TRIB2: variants seen among roughly 807,000 people sequenced by gnomAD.
The protein encoded by TRIB2 is tribbles homolog 2.
TRIB2 carries 2 observed loss-of-function variants against 26.8 expected under a neutral mutation model. The observed-to-expected ratio is 0.07, with a 90% CI of 0.03 to 0.24. The LOEUF (loss-of-function observed/expected upper bound fraction) is 0.24. Among genes scored for constraint, TRIB2 ranks in the 10% least tolerant of loss-of-function variants. The probability of loss-of-function intolerance (pLI) is 1.00; values close to 1 mark genes in which losing one functional copy is unlikely to be tolerated. For missense variants in TRIB2, 306 were observed against 449.0 expected (o/e 0.68, Z 2.88); for synonymous variants, 189 against 187.3 (o/e 1.01, Z -0.08).
At chr2:12,737,806 A>G (rs1203609853) in intron 2 of TRIB2, among the ~76,000 whole-genome samples, 1 of 152,226 alleles carries the variant, frequency 6.6e-6, no homozygotes, top group Non-Finnish European at 1.5e-5. Flanking sequence ...GTACACTTAA[A>G]AATGGTTTAA....
intron 2 of TRIB2, among the ~76,000 whole-genome samples, chr2:12,733,282 C>T (rs1388117039): frequency 2.0e-5 from 3 of 152,180 alleles, no homozygotes; most frequent in African/African-American, 7.2e-5. Context: ...TAGCAGTTAG[C>T]TGTGAATGGG....
chr2:12,730,297 G>A (rs779132018), intron 2 of TRIB2, among the ~76,000 whole-genome samples: 15 of 152,208 alleles, frequency 9.9e-5, no homozygotes, highest in Non-Finnish European at 2.1e-4. Flanking sequence ...GATCCTCAGA[G>A]TCTAATGGCC....
At chr2:12,722,828 CT>C (rs1015685377) in intron 1 of TRIB2, among the ~76,000 whole-genome samples, 2 of 151,486 alleles carry the variant, frequency 1.3e-5, no homozygotes, top group African/African-American at 2.4e-5. Context: ...ATGTGCATTT[CT>C]TTTTTTTTAT....
At position 12,718,117 on chromosome 2, in the gene TRIB2, G is replaced by A. The variant is rs1348124568; in HGVS notation, c.-191G>A. 1.3e-6 allele frequency: 1 copy of A among 764,226 alleles called. No homozygotes were observed. The highest frequency in any genetic ancestry group is 1.8e-5 in the African/African-American group (1 of 56,856). The allele number at this position is 764,226 out of a possible 1,614,324, so 47.3% of individuals were successfully genotyped here. ...CCGAGGACCCCCGGGAGCCGGGCTCGGAGCAGACGAGGTATCCGGCGGCGC... is the reference window on the plus strand; with the variant it reads ...CCGAGGACCCCCGGGAGCCGGGCTCAGAGCAGACGAGGTATCCGGCGGCGC... On this transcript the variant is annotated 5_prime_UTR_variant, in exon 1 of 3. Transcript: ENST00000155926. This position sits in a 1 kb window ranked among gnomAD's most constrained non-coding sequence, Gnocchi z 4.0.
At chr2:12,733,632 CAT>C (rs1416088749) in intron 2 of TRIB2, among the ~76,000 whole-genome samples, 4 of 152,196 alleles carry the variant, frequency 2.6e-5, no homozygotes, top group Non-Finnish European at 4.4e-5. Flanking sequence ...ATGCTTCACA[CAT>C]AGTTTCTATT....
At position 12,723,351 on chromosome 2, in the gene TRIB2, T is replaced by C; in HGVS notation, c.362T>C (p.Leu121Pro). 1 of 1,614,260 alleles carries C rather than the reference T, an allele frequency of 6.2e-7. No homozygotes were observed. Among genetic ancestry groups the C allele is most frequent in the Non-Finnish European group, 8.5e-7 (1 of 1,180,046 alleles). Reference sequence around the variant, plus strand: ...ATCAACCAAATCACTGAAATTATCCTGGGTGAGACCAAAGCCTATGTGTTC... The same window carrying C: ...ATCAACCAAATCACTGAAATTATCCCGGGTGAGACCAAAGCCTATGTGTTC... ...SNINQITEII[L>P]GETKAYVFFE... Residue 121 changes from leucine (L) to proline (P), a missense_variant, in exon 2 of 3, where the codon CTG becomes CCG. Around this residue, in one of 4 missense-constraint regions of TRIB2, gnomAD observed 118 missense variants for 188.8 expected, o/e 0.63. Coordinates refer to ENST00000155926, the MANE Select transcript of TRIB2 (RefSeq NM_021643.4).
chr2:12,718,409 G>A lies in TRIB2; in HGVS notation c.102G>A (p.Glu34=), dbSNP rs755884349. The A allele has an allele frequency of 5.6e-6, 9 of 1,614,128 alleles. No individual in the cohort carries two copies. The highest frequency in any genetic ancestry group is 1.6e-4 in the Middle Eastern group (1 of 6,084). ...FEELSSIRSA[E]PSQSFSPNLG... ...AGTTGTCGTCTATAAGGTCCGCGGAGCCCAGCCAGAGTTTCAGCCCGAACC... is the reference window on the plus strand; with the variant it reads ...AGTTGTCGTCTATAAGGTCCGCGGAACCCAGCCAGAGTTTCAGCCCGAACC... Residue 34 remains glutamate, a synonymous_variant, in exon 1 of 3, where the codon GAG becomes GAA. Coordinates refer to ENST00000155926, the MANE Select transcript of TRIB2 (RefSeq NM_021643.4). This position sits in a 1 kb window ranked among gnomAD's most constrained non-coding sequence, Gnocchi z 4.0.
intron 2 of TRIB2, among the ~76,000 whole-genome samples, chr2:12,735,082 G>A (rs191283180): frequency 6.6e-6 from 1 of 152,224 alleles, no homozygotes. Flanking sequence ...ACTCACCCCC[G>A]CCTGTCAGAC....
At position 12,717,612 on chromosome 2, in the gene TRIB2, T is replaced by A; in HGVS notation, c.-696T>A. Reference sequence around the variant, plus strand: ...AAATGCTCCCTTGCAATTTTTCTTTTTTTTGTTTGTTTGTTTAATTTTTGG... The same window carrying A: ...AAATGCTCCCTTGCAATTTTTCTTTATTTTGTTTGTTTGTTTAATTTTTGG... On this transcript the variant is annotated 5_prime_UTR_variant, in exon 1 of 3. Transcript: ENST00000155926. The surrounding 1 kb of genome is among the most constrained non-coding windows in gnomAD (Gnocchi z 4.8). 2 of 397,178 alleles carry A rather than the reference T, an allele frequency of 5.0e-6. No homozygotes were observed. The highest frequency in any genetic ancestry group is 4.4e-5 in the Admixed American group (1 of 22,714). The allele number at this position is 397,178 out of a possible 1,614,324, so 24.6% of individuals were successfully genotyped here. A position where few individuals can be genotyped will look rare whatever the true frequency, so the allele number is the denominator to read the frequency against.
Position 12,741,079 on chromosome 2 carries a change from C to T in TRIB2, c.*285C>T. The stretch of plus-strand genomic sequence containing the variant: ...TTGCCACTTGGGCCACTTCCGCCTA[C>T]CCCACTTTTCATTTTGTTCCAAAAT... On this transcript the variant is annotated 3_prime_UTR_variant, in exon 3 of 3. Transcript: ENST00000155926. The T allele has an allele frequency of 2.7e-6, 1 of 372,354 alleles. No homozygotes were observed. Among genetic ancestry groups the T allele is most frequent in the Non-Finnish European group, 4.9e-6 (1 of 204,802 alleles). 23.1% of individuals were successfully genotyped at this position (372,354 alleles called of 1,614,324 possible).
rs944819545 is a variant in TRIB2, at chr2:12,717,500, T to C, written c.-808T>C. The C allele has an allele frequency of 2.0e-5, 8 of 398,282 alleles. No individual in the cohort carries two copies. Among genetic ancestry groups the C allele is most frequent in the Non-Finnish European group, 3.5e-5 (8 of 225,882 alleles). 24.7% of individuals were successfully genotyped at this position (398,282 alleles called of 1,614,324 possible). ...CGCGCGGCGGGCCGAGCCCAGGGCT[T>C]TGTCGCGGTACCTGCGCCCAGCCCG... On this transcript the variant is annotated 5_prime_UTR_variant, in exon 1 of 3. Coordinates refer to ENST00000155926, the MANE Select transcript of TRIB2 (RefSeq NM_021643.4). This position sits in a 1 kb window ranked among gnomAD's most constrained non-coding sequence, Gnocchi z 4.8.
Position 12,732,256 on chromosome 2 carries a change from G to A in TRIB2, c.564-8070G>A, listed in dbSNP as rs182296905. On this transcript the variant is annotated intron_variant, in intron 2 of 2. Transcript: ENST00000155926. This position sits in a 1 kb window ranked among gnomAD's most constrained non-coding sequence, Gnocchi z 4.2. The stretch of plus-strand genomic sequence containing the variant: ...ATGCGGACAGGGCAGGGATTCCGTC[G>A]TGGCCGGGTAGATGGCACTGCAGAA... Among the ~76,000 whole-genome samples, 95 of 152,262 alleles carry A rather than the reference G, an allele frequency of 6.2e-4. No homozygotes were observed. Among genetic ancestry groups the A allele is most frequent in the African/African-American group, 2.1e-3 (87 of 41,540 alleles).
Position 12,732,120 on chromosome 2 carries a change from C to G in TRIB2, c.564-8206C>G, listed in dbSNP as rs929783178. Among the ~76,000 whole-genome samples, 1 of 152,160 alleles carries G rather than the reference C, an allele frequency of 6.6e-6. No individual in the cohort carries two copies. Among genetic ancestry groups the G allele is most frequent in the Non-Finnish European group, 1.5e-5 (1 of 68,020 alleles). On this transcript the variant is annotated intron_variant, in intron 2 of 2. Transcript: ENST00000155926. The surrounding 1 kb of genome is among the most constrained non-coding windows in gnomAD (Gnocchi z 4.2). ...CTGTGAAGCCCTGGCGGCCTGCAGG[C>G]TGTGCTTGTGTGGTGTCTGCATGGG...
At chr2:12,722,772 A>G (rs1661249177) in intron 1 of TRIB2, among the ~76,000 whole-genome samples, 1 of 152,112 alleles carries the variant, frequency 6.6e-6, no homozygotes, top group South Asian at 2.1e-4. Flanking sequence ...GGCAAAAGCT[A>G]GCTGTTTATT....
intron 2 of TRIB2, among the ~76,000 whole-genome samples, chr2:12,737,176 G>A (rs1414020344): frequency 6.6e-6 from 1 of 152,206 alleles, no homozygotes; most frequent in Non-Finnish European, 1.5e-5. Context: ...CAGGTTTGGG[G>A]CAGACGAACC....
At chr2:12,728,452 C>T (rs1661379909) in intron 2 of TRIB2, among the ~76,000 whole-genome samples, 1 of 152,214 alleles carries the variant, frequency 6.6e-6, no homozygotes, top group South Asian at 2.1e-4. Context: ...GTTACCACAG[C>T]ACTTCCTGTT....
intron 2 of TRIB2, among the ~76,000 whole-genome samples, chr2:12,737,671 G>A (rs535089061): frequency 1.3e-5 from 2 of 152,334 alleles, no homozygotes; most frequent in Admixed American, 6.5e-5. Flanking sequence ...TAGAATGTGA[G>A]TGAGCACACA....
At position 12,717,300 on chromosome 2, in the gene TRIB2, T is replaced by C. The variant is rs2103246831; in HGVS notation, c.-1008T>C. Reference sequence around the variant, plus strand: ...GAAAGGGGCAAAGGAACGCCGCGCGTTGGAAGGGCCAGGGACGCAGCTCCC... The same window carrying C: ...GAAAGGGGCAAAGGAACGCCGCGCGCTGGAAGGGCCAGGGACGCAGCTCCC... On this transcript the variant is annotated 5_prime_UTR_variant, in exon 1 of 3. Coordinates refer to ENST00000155926, the MANE Select transcript of TRIB2 (RefSeq NM_021643.4). This position sits in a 1 kb window ranked among gnomAD's most constrained non-coding sequence, Gnocchi z 4.8. The C allele has an allele frequency of 2.5e-6, 1 of 398,344 alleles. No individual in the cohort carries two copies. The highest frequency in any genetic ancestry group is 2.1e-5 in the African/African-American group (1 of 48,730). 24.7% of individuals were successfully genotyped at this position (398,344 alleles called of 1,614,324 possible).
chr2:12,724,589 T>C, intron 2 of TRIB2: 1 of 1,585,928 alleles, frequency 6.3e-7, no homozygotes, highest in East Asian at 2.2e-5. Context: ...TTGGAAGATT[T>C]AGAGTGTGGA....
Sources: gnomAD v4.1 joint callset for allele counts (sites outside exome capture counted in the v4.1 genomes callset) on GRCh38, gnomAD v4.1.1 for gene constraint, gnomAD v4.1.1 regional missense constraint, Gnocchi (gnomAD v3.1) non-coding constraint, MANE v1.5 for transcripts, NCBI Gene and HGNC (gene_info 2026-07-23, HGNC 2026-07-21) for gene names.